TENM1: variants seen among roughly 807,000 people sequenced by gnomAD.
TENM1 encodes the protein teneurin-1.
TENM1 carries 35 observed loss-of-function variants against 174.8 expected under a neutral mutation model. The ratio of observed to expected loss-of-function variants is 0.20; its 90% CI spans 0.15 to 0.27. The LOEUF (loss-of-function observed/expected upper bound fraction) is 0.27. TENM1 is among the 10% of genes least tolerant of loss of function. TENM1 has a pLI of 1.00. For missense variants in TENM1, 1,633 were observed against 2,130.1 expected, an observed-to-expected ratio of 0.77 and a Z score of 4.59; for synonymous variants, 781 against 798.7, an observed-to-expected ratio of 0.98 and a Z score of 0.37.
At chrX:124,606,636 G>C (rs1366934889) in intron 11 of TENM1, among the ~76,000 whole-genome samples, 1 of 111,349 alleles carries the variant, frequency 9.0e-6, no homozygotes, top group Non-Finnish European at 1.9e-5. Flanking sequence ...GCTAGAAAGA[G>C]AGTAGGAGAG....
intron 25 of TENM1, among the ~76,000 whole-genome samples, chrX:124,413,934 A>T (rs1387030881): frequency 8.9e-6 from 1 of 112,034 alleles, no homozygotes; most frequent in Non-Finnish European, 1.9e-5. Context: ...TCACCCAGAG[A>T]CATGGCTTGT....
intron 4 of TENM1, among the ~76,000 whole-genome samples, chrX:124,709,076 C>A (rs952909097): frequency 1.8e-5 from 2 of 111,337 alleles, no homozygotes; most frequent in Non-Finnish European, 3.8e-5. Context: ...AGGAGTAGAG[C>A]GGTGATAATA....
chrX:124,400,474 G>C (rs2060386762), intron 27 of TENM1, among the ~76,000 whole-genome samples: 1 of 112,120 alleles, frequency 8.9e-6, no homozygotes, highest in South Asian at 3.7e-4. Context: ...TTGAGTAGAG[G>C]AAAAAAGTAA....
At position 124,456,138 on chromosome X, in the gene TENM1, C is replaced by T. The variant is rs1189013305; in HGVS notation, c.3950-2647G>A. ...GAGTGCCCTTTGAAATAAGTCTGGG[C>T]TTATTAAATACTCACTAGTTGCCTT... On this transcript the variant is annotated intron_variant, in intron 22 of 31. Transcript: ENST00000422452. Among the ~76,000 whole-genome samples the T allele has an allele frequency of 4.5e-5, 5 of 111,997 alleles. No homozygotes were observed. In the Admixed American group the frequency reaches 4.8e-4, roughly 11 times the overall value.
intron 12 of TENM1, among the ~76,000 whole-genome samples, 157 bp downstream of exon 15, chrX:124,565,218 C>A (rs1334418523): frequency 8.9e-6 from 1 of 111,802 alleles, no homozygotes; most frequent in African/African-American, 3.3e-5. Context: ...AAAGAAGAAA[C>A]CTACCAGTTC....
chrX:125,039,555 T>C, the TENM1 span, among the ~76,000 whole-genome samples: 1 of 110,420 alleles, frequency 9.1e-6, no homozygotes, highest in South Asian at 3.8e-4. Context: ...TTCTAATGAA[T>C]TAAAAAAAAG....
chrX:124,491,205 G>A (rs994750047), intron 20 of TENM1, among the ~76,000 whole-genome samples: 3 of 111,913 alleles, frequency 2.7e-5, no homozygotes, highest in African/African-American at 9.7e-5. Context: ...AAGATGCAAC[G>A]GATCTTGAGA....
chrX:124,753,037 A>T (rs1256313088), intron 3 of TENM1, among the ~76,000 whole-genome samples: 19 of 111,031 alleles, frequency 1.7e-4, no homozygotes, highest in Non-Finnish European at 3.2e-4. Flanking sequence ...AGTCATTGGT[A>T]GCTTGATGGG....
chrX:124,973,026 C>T, the TENM1 span, among the ~76,000 whole-genome samples: 1 of 112,074 alleles, frequency 8.9e-6, no homozygotes, highest in African/African-American at 3.2e-5. Flanking sequence ...CTTGCTGTGT[C>T]AATTCATGAT....
intron 23 of TENM1, among the ~76,000 whole-genome samples, chrX:124,438,239 C>G (rs2147798151): frequency 9.0e-6 from 1 of 111,552 alleles, no homozygotes; most frequent in East Asian, 2.8e-4. Context: ...CTGACTGAAT[C>G]TTGACTAGTA....
At chrX:125,140,895 T>A in the TENM1 span, among the ~76,000 whole-genome samples, 1 of 111,966 alleles carries the variant, frequency 8.9e-6, no homozygotes, top group Admixed American at 9.5e-5. Flanking sequence ...AATGGAACAA[T>A]CTAACTTCCT....
At chrX:124,854,070 G>A (rs1031131050) in intron 3 of TENM1, among the ~76,000 whole-genome samples, 1 of 110,590 alleles carries the variant, frequency 9.0e-6, no homozygotes, top group African/African-American at 3.3e-5. Context: ...AAGAGGAAAT[G>A]AATTGTGGAA....
At chrX:124,508,666 G>T (rs1368118132) in intron 18 of TENM1, among the ~76,000 whole-genome samples, 1 of 112,044 alleles carries the variant, frequency 8.9e-6, no homozygotes, top group Non-Finnish European at 1.9e-5. Flanking sequence ...TTGCCAAGAG[G>T]TTCCGTACAG....
intron 3 of TENM1, among the ~76,000 whole-genome samples, chrX:124,840,416 ACT>A (rs2056474440): frequency 2.7e-5 from 3 of 111,938 alleles, no homozygotes; most frequent in Non-Finnish European, 3.8e-5. Context: ...TTGCAATGAG[ACT>A]TAGTAATAAA....
chrX:124,438,367 G>A (rs1044324199), intron 23 of TENM1, among the ~76,000 whole-genome samples: 1 of 110,971 alleles, frequency 9.0e-6, no homozygotes, highest in African/African-American at 3.3e-5. Flanking sequence ...GAGAGATACA[G>A]AAGTATCTTA....
At chrX:124,560,162 C>A (rs955124886) in intron 14 of TENM1, among the ~76,000 whole-genome samples, 1 of 107,114 alleles carries the variant, frequency 9.3e-6, no homozygotes, top group African/African-American at 3.4e-5. Flanking sequence ...GGGTAGTAAA[C>A]AGTCTCTTCA....
intron 26 of TENM1, 58 bp from the exon 30 acceptor site, chrX:124,405,324 AAAAG>A: frequency 9.8e-7 from 1 of 1,019,203 alleles, no homozygotes; most frequent in Non-Finnish European, 1.4e-6. Flanking sequence ...CAGGAAGCAG[AAAAG>A]AGACAGGTTT....
chrX:124,492,809 G>A (rs2147965956), intron 20 of TENM1, among the ~76,000 whole-genome samples: 1 of 110,300 alleles, frequency 9.1e-6, no homozygotes, highest in East Asian at 2.9e-4. Flanking sequence ...GGTTGCTGGT[G>A]GGGCAGTGGG....
At position 124,383,995 on chromosome X, in the gene TENM1, C is replaced by T. The variant is rs2060190653; in HGVS notation, c.6936G>A (p.Met2312Ile). ...AATATTCTTCACCACTGCTTAACTCCATGGCAATAAGGTGACCTTGGAGAT... is the reference window on the plus strand; with the variant it reads ...AATATTCTTCACCACTGCTTAACTCTATGGCAATAAGGTGACCTTGGAGAT... Residue 2312 changes from methionine to isoleucine, a missense_variant, in exon 30 of 32, where the codon ATG (methionine) becomes ATA (isoleucine). Physicochemically the swap from Met to Ile is conservative, Grantham distance 10 (BLOSUM62 1). Transcript: ENST00000422452. 4.1e-6 allele frequency: 5 copies of T among 1,210,061 alleles called. No homozygotes were observed. The highest frequency in any genetic ancestry group is 5.6e-6 in the Non-Finnish European group (5 of 895,186).
Sources: gnomAD v4.1 joint callset for allele counts (sites outside exome capture counted in the v4.1 genomes callset) on GRCh38, gnomAD v4.1.1 for gene constraint, MANE v1.5 for transcripts, NCBI Gene and HGNC (gene_info 2026-07-23, HGNC 2026-07-21) for gene names.